SNAPC1: variants seen among roughly 807,000 people sequenced by gnomAD.
SNAPC1 encodes the protein snRNA-activating protein complex subunit 1.
SNAPC1 carries 42 observed loss-of-function variants against 50.1 expected under a neutral mutation model. The observed-to-expected ratio is 0.84, with a 90% confidence interval of 0.65 to 1.08. SNAPC1 has a LOEUF of 1.08. SNAPC1 is among the 50% of genes least tolerant of loss of function. The pLI is 0.00. For synonymous variants in SNAPC1, 164 were observed against 144.2 expected, an observed-to-expected ratio of 1.14 and a Z score of -0.98; for missense variants, 477 against 427.3, an observed-to-expected ratio of 1.12 and a Z score of -1.02.
intron 6 of SNAPC1, 135 bp downstream of exon 6, chr14:61,778,275 T>C (rs2045049033): frequency 3.7e-6 from 2 of 541,498 alleles, no homozygotes; most frequent in East Asian, 3.3e-5. Flanking sequence ...GTTTGTTCTT[T>C]ACTGGAAGCC....
At chr14:61,793,408 A>G (rs895597202) in intron 9 of SNAPC1, among the ~76,000 whole-genome samples, 2 of 151,180 alleles carry the variant, frequency 1.3e-5, no homozygotes, top group Admixed American at 6.6e-5. Flanking sequence ...ATGCCTGGCT[A>G]ATTTTTGTAT....
intron 3 of SNAPC1, 150 bp downstream of exon 3, chr14:61,767,502 C>G (rs531843682): frequency 9.0e-6 from 4 of 444,420 alleles, no homozygotes; most frequent in Non-Finnish European, 1.1e-5. Context: ...CTTGCTCTGT[C>G]GCCCAGGCTG....
intron 4 of SNAPC1, among the ~76,000 whole-genome samples, chr14:61,770,473 G>A (rs1055354415): frequency 6.6e-6 from 1 of 151,894 alleles, no homozygotes; most frequent in Admixed American, 6.6e-5. Flanking sequence ...TGAACTCCTG[G>A]CCTCAAGCGA....
At chr14:61,792,754 A>C in intron 8 of SNAPC1, 53 bp from the exon 9 acceptor site, 1 of 1,021,018 alleles carries the variant, frequency 9.8e-7, no homozygotes. Context: ...TGTTTTCTCA[A>C]AGATTATAAT....
chr14:61,786,714 A>G (rs1228856364), intron 8 of SNAPC1, among the ~76,000 whole-genome samples: 2 of 152,236 alleles, frequency 1.3e-5, no homozygotes, highest in Admixed American at 6.5e-5. Context: ...TGAATCCAGA[A>G]TGATGTGGTT....
chr14:61,791,183 TG>T (rs1481786196), intron 8 of SNAPC1, among the ~76,000 whole-genome samples: 3 of 151,998 alleles, frequency 2.0e-5, no homozygotes, highest in African/African-American at 7.2e-5. Context: ...AGCTAATTTT[TG>T]TATTTTTAGT....
chr14:61,764,019 C>T (rs1048783971), intron 1 of SNAPC1, among the ~76,000 whole-genome samples: 1 of 152,138 alleles, frequency 6.6e-6, no homozygotes, highest in Admixed American at 6.6e-5. Context: ...ACTGCAACCT[C>T]CACCTCCCGG....
In SNAPC1 at chr14:61,795,656, T is replaced by C. The variant is rs2045183968; in HGVS notation, c.*673T>C. ...TTTAAGTACTTTCTAATAAAATCTTTAACAATAATAATGTAAATTTCAGAA... is the reference window on the plus strand; with the variant it reads ...TTTAAGTACTTTCTAATAAAATCTTCAACAATAATAATGTAAATTTCAGAA... On this transcript the variant is annotated 3_prime_UTR_variant, in exon 10 of 10. Coordinates refer to ENST00000216294, the MANE Select transcript of SNAPC1 (RefSeq NM_003082.4). 1 of 152,064 alleles carries C rather than the reference T, an allele frequency of 6.6e-6. No homozygotes were observed. The highest frequency in any genetic ancestry group is 1.5e-5 in the Non-Finnish European group (1 of 68,016). 9.4% of individuals were successfully genotyped at this position (152,064 alleles called of 1,614,324 possible).
chr14:61,762,775 C>T (rs910757406), intron 1 of SNAPC1, among the ~76,000 whole-genome samples, 187 bp downstream of exon 1: 1 of 151,962 alleles, frequency 6.6e-6, no homozygotes, highest in Non-Finnish European at 1.5e-5. Flanking sequence ...TTTCATTGTG[C>T]CCTGATGGTT....
rs545537643 is a variant in SNAPC1, at chr14:61,778,073, A to G, written c.695A>G (p.Asn232Ser). Residue 232 changes from asparagine to serine, a missense_variant and splice_region_variant, in exon 6 of 10, where the codon AAT (asparagine) becomes AGT (serine). Coordinates refer to ENST00000216294, the MANE Select transcript of SNAPC1 (RefSeq NM_003082.4). ...EHQQWHKDRKNPSLKSKTNDG... is the reference protein window; with the variant it reads ...EHQQWHKDRKSPSLKSKTNDG... ...TATGTATCTTTTTTGCTCTTTTAGA[A>G]TCCATCCTTAAAGTCAAAAACTAAT... 14 of 1,569,480 alleles carry G rather than the reference A, an allele frequency of 8.9e-6. No homozygotes were observed. In the African/African-American group the frequency reaches 1.9e-4, roughly 21 times the overall value.
chr14:61,762,486 C>A lies in SNAPC1; in HGVS notation c.26C>A (p.Thr9Asn), dbSNP rs772117236. The A allele has an allele frequency of 2.4e-6, 3 of 1,264,986 alleles. No individual in the cohort carries two copies. In the South Asian group the frequency reaches 4.9e-5, roughly 21 times the overall value. The allele number at this position is 1,264,986 out of a possible 1,614,324, so 78.4% of individuals were successfully genotyped here. A position where few individuals can be genotyped will look rare whatever the true frequency, so the allele number is the denominator to read the frequency against. ...ATGGGGACTCCTCCCGGCCTGCAGA[C>A]CGACTGCGAGGCGCTGCTCAGCCGC... MGTPPGLQ[T>N]DCEALLSRFQ... The change falls in exon 1 of 10, where the codon ACC (threonine) becomes AAC (asparagine). Residue 9 changes from threonine to asparagine, a missense_variant. Thr to Asn is a moderately conservative substitution (Grantham distance 65, BLOSUM62 0). Coordinates refer to ENST00000216294, the MANE Select transcript of SNAPC1 (RefSeq NM_003082.4).
Position 61,782,282 on chromosome 14 carries a change from C to G in SNAPC1, c.861C>G (p.Leu287=), listed in dbSNP as rs745468141. The G allele has an allele frequency of 5.0e-6, 8 of 1,607,484 alleles. No homozygotes were observed. Among genetic ancestry groups the G allele is most frequent in the South Asian group, 3.3e-5 (3 of 89,664 alleles). The change falls in exon 8 of 10, where the codon CTC becomes CTG. Residue 287 remains leucine (L), a synonymous_variant. Coordinates refer to ENST00000216294, the MANE Select transcript of SNAPC1 (RefSeq NM_003082.4). ...CAAGAAGGCATCGTCAAGTCAAACT[C>G]GACTCTTCTGACTCTGATTCTGCAT... ...SKSRRHRQVK[L]DSSDSDSASG... is the part of the protein sequence containing the mutation.
chr14:61,792,555 A>G (rs1456445839), intron 8 of SNAPC1, among the ~76,000 whole-genome samples: 1 of 152,158 alleles, frequency 6.6e-6, no homozygotes, highest in East Asian at 1.9e-4. Flanking sequence ...TGTTTGGCTA[A>G]TTTTGTTTAT....
intron 7 of SNAPC1, among the ~76,000 whole-genome samples, chr14:61,781,729 C>A (rs1019047080): frequency 5.9e-5 from 9 of 152,202 alleles, no homozygotes; most frequent in African/African-American, 2.2e-4. Flanking sequence ...AAGAATTTTT[C>A]CTTCTTAATA....
At chr14:61,781,654 G>A (rs573811239) in intron 7 of SNAPC1, among the ~76,000 whole-genome samples, 2 of 152,294 alleles carry the variant, frequency 1.3e-5, no homozygotes, top group South Asian at 2.1e-4. Context: ...TTTCACTGCC[G>A]TCAAGTGCTG....
intron 8 of SNAPC1, among the ~76,000 whole-genome samples, chr14:61,783,798 A>G (rs559327698): frequency 6.6e-4 from 101 of 152,238 alleles, no homozygotes; most frequent in African/African-American, 2.3e-3. Context: ...TTGACCTCCC[A>G]AAGTGCTGGG....
At chr14:61,767,384 A>G (rs2044956204) in intron 3 of SNAPC1, 32 bp downstream of exon 3, 2 of 1,355,472 alleles carry the variant, frequency 1.5e-6, no homozygotes, top group South Asian at 2.0e-5. Flanking sequence ...GGTTTTTTCA[A>G]AATGAGCAAT....
At chr14:61,791,882 A>G (rs778784964) in intron 8 of SNAPC1, among the ~76,000 whole-genome samples, 10 of 152,098 alleles carry the variant, frequency 6.6e-5, no homozygotes, top group African/African-American at 2.4e-5. Context: ...GGCAGTTTAT[A>G]TTAAATGGCT....
intron 8 of SNAPC1, 111 bp downstream of exon 8, chr14:61,782,508 A>G (rs2045083251): frequency 1.4e-6 from 1 of 728,936 alleles, no homozygotes; most frequent in African/African-American, 1.8e-5. Flanking sequence ...GTTTGAGAAC[A>G]TTTTTGTGAG....
Sources: allele counts gnomAD v4.1 joint callset (sites outside exome capture counted in the v4.1 genomes callset), GRCh38; gene constraint gnomAD v4.1.1; transcripts MANE v1.5; gene names NCBI Gene and HGNC (gene_info 2026-07-23, HGNC 2026-07-21).